ZNF675: variants seen among roughly 807,000 people sequenced by gnomAD.
ZNF675 encodes the protein TRAF6 inhibitory zinc finger.
Under a neutral mutation model 56.1 loss-of-function variants are expected in ZNF675, and 36 were observed. The observed-to-expected ratio is 0.64, with a 90% confidence interval of 0.49 to 0.85. The LOEUF (loss-of-function observed/expected upper bound fraction) is 0.85. Among genes scored for constraint, ZNF675 ranks in the 40% least tolerant of loss-of-function variants. The pLI, the probability that ZNF675 is intolerant of heterozygous loss-of-function variation, is 0.00. For missense variants in ZNF675, 663 were observed against 654.2 expected, an observed-to-expected ratio of 1.01 and a Z score of -0.15; for synonymous variants, 200 against 218.9, an observed-to-expected ratio of 0.91 and a Z score of 0.76.
chr19:23,653,996 T>C lies in ZNF675; in HGVS notation c.937A>G (p.Ile313Val), dbSNP rs562588467. Reference protein sequence around the residue: ...KKIHTGEQPYICEECGKAFTQ... With the variant: ...KKIHTGEQPYVCEECGKAFTQ... ...AAAGCCTTGCCACATTCTTCACATA[T>C]GTAGGGTTGCTCTCCAGTATGAATT... Residue 313 changes from isoleucine (I) to valine (V), a missense_variant, in exon 4 of 4, where the codon ATA becomes GTA. Ile to Val is a conservative substitution (Grantham distance 29). Around this residue, in one of 3 missense-constraint regions of ZNF675, gnomAD observed 617 missense variants for 590.5 expected, o/e 1.04. Coordinates refer to ENST00000359788, the MANE Select transcript of ZNF675 (RefSeq NM_138330.3). The C allele has an allele frequency of 1.1e-5, 17 of 1,613,958 alleles. No individual in the cohort carries two copies. In the South Asian group the frequency reaches 1.1e-4, roughly 10 times the overall value.
At chr19:23,656,826 G>C (rs1356708169) in intron 3 of ZNF675, 1 of 121,716 alleles carries the variant, frequency 8.2e-6, no homozygotes, top group East Asian at 3.2e-4. Flanking sequence ...TCAACGGCTG[G>C]AGAGAGGATA....
intron 1 of ZNF675, among the ~76,000 whole-genome samples, chr19:23,664,200 T>A (rs779052695): frequency 6.6e-6 from 1 of 152,176 alleles, no homozygotes; most frequent in Non-Finnish European, 1.5e-5. Context: ...CATGTTTAAC[T>A]GAAAAAAAGC....
In ZNF675 at chr19:23,654,293, T is replaced by G. The variant is rs371627029; in HGVS notation, c.640A>C (p.Lys214Gln). The G allele has an allele frequency of 5.6e-6, 9 of 1,611,448 alleles. No individual in the cohort carries two copies. Among genetic ancestry groups the G allele is most frequent in the Non-Finnish European group, 7.6e-6 (9 of 1,179,394 alleles). Residue 214 changes from lysine (K) to glutamine (Q), a missense_variant, in exon 4 of 4, where the codon AAG (lysine) becomes CAG (glutamine). This residue lies in a region of ZNF675 where 617 missense variants were observed against 590.5 expected (regional missense o/e 1.04). Transcript: ENST00000359788. ...TAAATTCTTTTATGTTTAGTAAGCT[T>G]TGAAGATTGGTTAACAGCTTTTTCA... ...ECEKAVNQSS[K>Q]LTKHKRIYTC...
In ZNF675 at chr19:23,665,971, T is replaced by C. The variant is rs576918875; in HGVS notation, c.4-2813A>G. The stretch of plus-strand genomic sequence containing the variant: ...CAATTTTCATATTCTTTGCTGGCTC[T>C]TTAAAGTTTACAGAATAAACAGAAG... On this transcript the variant is annotated intron_variant, in intron 1 of 3. Transcript: ENST00000359788. Among the ~76,000 whole-genome samples the C allele has an allele frequency of 9.2e-5, 14 of 152,322 alleles. 1 individual carries two copies. The highest frequency in any genetic ancestry group is 2.9e-4 in the African/African-American group (12 of 41,576).
chr19:23,654,566 T>C lies in ZNF675; in HGVS notation c.367A>G (p.Lys123Glu). Reference protein sequence around the residue: ...LKGCKSVDECKLHKGGYNGLN... With the variant: ...LKGCKSVDECELHKGGYNGLN... ...CCATTATAACCTCCCTTGTGCAACT[T>C]ACATTCATCCACACTTTTACAGCCT... is the stretch of plus-strand genomic sequence containing the variant. The change falls in exon 4 of 4, where the codon AAG becomes GAG. Residue 123 changes from lysine (K) to glutamate (E), a missense_variant. Around this residue, in one of 3 missense-constraint regions of ZNF675, gnomAD observed 617 missense variants for 590.5 expected, o/e 1.04. Transcript: ENST00000359788. 1 of 1,612,250 alleles carries C rather than the reference T, an allele frequency of 6.2e-7. No individual in the cohort carries two copies. The highest frequency in any genetic ancestry group is 8.5e-7 in the Non-Finnish European group (1 of 1,179,080).
Position 23,663,137 on chromosome 19 carries a change from C to A in ZNF675, c.25G>T (p.Val9Leu). Reference sequence around the variant, plus strand: ...TCTTCCAGAGAGAATTCTATGGCCACATCCCTAAATGTCAACAGTCCCTGA... The same window carrying A: ...TCTTCCAGAGAGAATTCTATGGCCAAATCCCTAAATGTCAACAGTCCCTGA... MGLLTFRD[V>L]AIEFSLEEWQ... The change falls in exon 2 of 4, where the codon GTG (valine) becomes TTG (leucine). Residue 9 changes from valine to leucine, a missense_variant. Val to Leu is a conservative substitution (Grantham distance 32, BLOSUM62 1). This residue lies in a region of ZNF675 where 33 missense variants were observed against 31.8 expected (regional missense o/e 1.04). Coordinates refer to ENST00000359788, the MANE Select transcript of ZNF675 (RefSeq NM_138330.3). 1 of 1,609,976 alleles carries A rather than the reference C, an allele frequency of 6.2e-7. No individual in the cohort carries two copies. Among genetic ancestry groups the A allele is most frequent in the Non-Finnish European group, 8.5e-7 (1 of 1,178,116 alleles).
At chr19:23,656,654 A>C (rs1336525925) in intron 3 of ZNF675, 1 of 151,754 alleles carries the variant, frequency 6.6e-6, no homozygotes, top group East Asian at 1.9e-4. Context: ...ACACACACAC[A>C]ATGGATTATT....
intron 1 of ZNF675, among the ~76,000 whole-genome samples, chr19:23,663,399 CA>C (rs1422578019): frequency 6.6e-6 from 1 of 151,972 alleles, no homozygotes; most frequent in East Asian, 1.9e-4. Context: ...TAAATAATAA[CA>C]TATATAATAG....
At chr19:23,673,225 T>A (rs928817240) in intron 1 of ZNF675, among the ~76,000 whole-genome samples, 1 of 152,212 alleles carries the variant, frequency 6.6e-6, no homozygotes, top group African/African-American at 2.4e-5. Flanking sequence ...GATAAGAGTA[T>A]CAGCAGGTGT....
chr19:23,682,434 T>A (rs1968389137), intron 1 of ZNF675, among the ~76,000 whole-genome samples: 1 of 151,812 alleles, frequency 6.6e-6, no homozygotes, highest in African/African-American at 2.4e-5. Flanking sequence ...TAACTTTAAT[T>A]TTACAAAATT....
chr19:23,670,236 T>C (rs1968211537), intron 1 of ZNF675, among the ~76,000 whole-genome samples: 1 of 152,122 alleles, frequency 6.6e-6, no homozygotes. Context: ...AGAAAATGTA[T>C]AATATTTTTC....
intron 1 of ZNF675, among the ~76,000 whole-genome samples, chr19:23,671,395 C>T (rs966028095): frequency 7.2e-5 from 11 of 152,020 alleles, no homozygotes; most frequent in Non-Finnish European, 1.2e-4. Context: ...CCTGAATGCC[C>T]GAAGAGCATC....
At chr19:23,660,236 A>G (rs1173254740) in intron 3 of ZNF675, among the ~76,000 whole-genome samples, 1 of 152,206 alleles carries the variant, frequency 6.6e-6, no homozygotes, top group African/African-American at 2.4e-5. Flanking sequence ...CATCACCCTG[A>G]GCGTCCAACA....
At chr19:23,669,478 C>T (rs571771296) in intron 1 of ZNF675, among the ~76,000 whole-genome samples, 28 of 35,694 alleles carry the variant, frequency 7.8e-4, no homozygotes, top group East Asian at 1.2e-3. Flanking sequence ...CTGAGGTGCA[C>T]GGTGGTGGGG....
chr19:23,667,089 G>A (rs926395450), intron 1 of ZNF675, among the ~76,000 whole-genome samples: 44 of 152,134 alleles, frequency 2.9e-4, no homozygotes, highest in African/African-American at 9.4e-4. Context: ...AGATGTGTTC[G>A]GAGTTTCTTC....
At position 23,662,116 on chromosome 19, in the gene ZNF675, G is replaced by T. The variant is rs763824583; in HGVS notation, c.224C>A (p.Pro75Gln). Residue 75 changes from proline to glutamine, a missense_variant and splice_region_variant, in exon 3 of 4, where the codon CCA becomes CAA. Coordinates refer to ENST00000359788, the MANE Select transcript of ZNF675 (RefSeq NM_138330.3). ...TATTCACTTTCATTCTCACTTACCT[G>T]GGGGTTCATTCACCATCTCATGTCT... Reference protein sequence around the residue: ...VKRHEMVNEPPVMCSHFAQEF... With the variant: ...VKRHEMVNEPQVMCSHFAQEF... 3.7e-6 allele frequency: 6 copies of T among 1,610,730 alleles called. No individual in the cohort carries two copies. The highest frequency in any genetic ancestry group is 5.1e-6 in the Non-Finnish European group (6 of 1,177,422).
intron 1 of ZNF675, among the ~76,000 whole-genome samples, chr19:23,667,589 T>TA (rs1039279349): frequency 6.6e-6 from 1 of 151,746 alleles, no homozygotes; most frequent in African/African-American, 2.4e-5. Flanking sequence ...AGTAGCTAGA[T>TA]AGAGTGTCGA....
chr19:23,667,131 G>A (rs1968162460), intron 1 of ZNF675, among the ~76,000 whole-genome samples: 1 of 151,944 alleles, frequency 6.6e-6, no homozygotes, highest in African/African-American at 2.4e-5. Context: ...CGCTGGCTCA[G>A]GAGTGAAGCT....
chr19:23,673,328 C>CTA (rs77583709), intron 1 of ZNF675, among the ~76,000 whole-genome samples: 14,510 of 152,118 alleles, frequency 0.095, 747 homozygotes, highest in East Asian at 0.22. Context: ...ACCTGTTACT[C>CTA]TAATTGGGTT....
Sources: allele counts gnomAD v4.1 joint callset (sites outside exome capture counted in the v4.1 genomes callset), GRCh38; gene constraint gnomAD v4.1.1; regional missense constraint gnomAD v4.1.1; transcripts MANE v1.5; gene names NCBI Gene and HGNC (gene_info 2026-07-23, HGNC 2026-07-21).